EXOC4: variants seen among roughly 807,000 people sequenced by gnomAD.
The protein encoded by EXOC4 is SEC8-like 1.
In EXOC4, 71 loss-of-function variants were observed where a neutral mutation model predicts 107.2. The ratio of observed to expected loss-of-function variants is 0.66; its 90% CI spans 0.55 to 0.81. The LOEUF (loss-of-function observed/expected upper bound fraction) is 0.81. EXOC4 is among the 30% of genes least tolerant of loss of function. EXOC4 has a pLI of 0.00. For missense variants in EXOC4, 1,108 were observed against 1,189.6 expected (o/e 0.93, Z 1.01); for synonymous variants, 456 against 441.2 (o/e 1.03, Z -0.42).
chr7:134,073,230 A>AAAAAAAAAAAAAAAAAAAAC, the EXOC4 span, among the ~76,000 whole-genome samples: 3 of 18,412 alleles, frequency 1.6e-4, no homozygotes, highest in African/African-American at 8.1e-4. Context: ...AAAAAAAAAA[A>AAAAAAAAAAAAAAAAAAAAC]AACAACAAAG....
intron 9 of EXOC4, among the ~76,000 whole-genome samples, chr7:133,596,786 C>G (rs1046230332): frequency 2.6e-5 from 4 of 152,178 alleles, no homozygotes; most frequent in African/African-American, 9.7e-5. Flanking sequence ...TCAGAGCCAG[C>G]AAAGGCTCAT....
intron 7 of EXOC4, among the ~76,000 whole-genome samples, chr7:133,403,010 G>A (rs752451025): frequency 1.2e-4 from 18 of 149,724 alleles, no homozygotes; most frequent in Admixed American, 2.0e-4. Flanking sequence ...TCAGCCTCCC[G>A]AGTAGCTGGG....
chr7:133,620,049 G>A (rs756127125), intron 9 of EXOC4, among the ~76,000 whole-genome samples: 9 of 151,768 alleles, frequency 5.9e-5, no homozygotes, highest in Non-Finnish European at 8.8e-5. Flanking sequence ...TTGAGACAGA[G>A]TCTCCCTCTG....
chr7:133,624,057 T>G (rs938942916), intron 9 of EXOC4, among the ~76,000 whole-genome samples: 3 of 152,200 alleles, frequency 2.0e-5, no homozygotes, highest in Admixed American at 6.5e-5. Flanking sequence ...TGTATACTAT[T>G]TCATAATCCT....
chr7:133,462,863 C>T (rs1429313546), intron 7 of EXOC4, among the ~76,000 whole-genome samples: 2 of 151,988 alleles, frequency 1.3e-5, no homozygotes, highest in Admixed American at 1.3e-4. Flanking sequence ...ATAAAAAGAA[C>T]CAATAGGAAC....
intron 11 of EXOC4, among the ~76,000 whole-genome samples, chr7:133,827,740 A>C (rs1388565020): frequency 6.6e-6 from 1 of 152,230 alleles, no homozygotes; most frequent in Non-Finnish European, 1.5e-5. Context: ...CATCTACTAC[A>C]TCTGGGTTAC....
At chr7:133,419,720 G>T (rs1393824835) in intron 7 of EXOC4, among the ~76,000 whole-genome samples, 1 of 152,116 alleles carries the variant, frequency 6.6e-6, no homozygotes, top group Non-Finnish European at 1.5e-5. Context: ...TTTGAAGTGT[G>T]AATCCCAGAT....
At chr7:133,368,324 AC>A (rs1356178981) in intron 6 of EXOC4, among the ~76,000 whole-genome samples, 2 of 152,172 alleles carry the variant, frequency 1.3e-5, no homozygotes, top group African/African-American at 4.8e-5. Flanking sequence ...AAATCACCTA[AC>A]TTAATCAAAG....
intron 9 of EXOC4, among the ~76,000 whole-genome samples, chr7:133,595,799 G>A (rs573979142): frequency 2.0e-4 from 30 of 152,126 alleles, no homozygotes; most frequent in Non-Finnish European, 3.8e-4. Flanking sequence ...ACCTCGCACT[G>A]TCTTCTCACC....
intron 11 of EXOC4, among the ~76,000 whole-genome samples, chr7:133,877,529 G>A (rs1445654001): frequency 6.6e-6 from 1 of 152,126 alleles, no homozygotes; most frequent in Non-Finnish European, 1.5e-5. Context: ...CCGCTACTGA[G>A]ACAATATTGT....
intron 9 of EXOC4, among the ~76,000 whole-genome samples, chr7:133,592,474 ACT>A (rs1446225999): frequency 2.0e-5 from 3 of 152,086 alleles, no homozygotes; most frequent in African/African-American, 7.2e-5. Context: ...GACAAATTTC[ACT>A]CTGTTACCCA....
chr7:133,669,242 G>A (rs1446418451), intron 10 of EXOC4, among the ~76,000 whole-genome samples: 4 of 152,078 alleles, frequency 2.6e-5, no homozygotes, highest in Admixed American at 6.5e-5. Flanking sequence ...AGCCTTTACA[G>A]TGGTGAGAGG....
chr7:133,722,504 C>A (rs756609538), intron 10 of EXOC4, among the ~76,000 whole-genome samples: 22 of 152,122 alleles, frequency 1.4e-4, no homozygotes, highest in Non-Finnish European at 8.8e-5. Flanking sequence ...TTAAACCCTG[C>A]CTTTGGCAAT....
chr7:133,541,608 T>A (rs1354662600), intron 9 of EXOC4, among the ~76,000 whole-genome samples: 10 of 152,068 alleles, frequency 6.6e-5, no homozygotes, highest in Admixed American at 3.9e-4. Context: ...CAAATGATCC[T>A]CCCATCTCAG....
At chr7:133,977,741 TGTGTGTG>T (rs1563078293) in intron 14 of EXOC4, among the ~76,000 whole-genome samples, 223 of 150,222 alleles carry the variant, frequency 1.5e-3, no homozygotes, top group South Asian at 5.7e-3. Flanking sequence ...TGTTGTTTTG[TGTGTGTG>T]TGTGTGTGTG....
At chr7:133,898,098 G>A (rs7793582) in intron 12 of EXOC4, among the ~76,000 whole-genome samples, 93,304 of 150,388 alleles carry the variant, frequency 0.62, 31,356 homozygotes, top group African/African-American at 0.89. Context: ...CCATATAAGT[G>A]AAATCATGCA....
At chr7:133,592,609 T>C (rs1801576094) in intron 9 of EXOC4, among the ~76,000 whole-genome samples, 1 of 151,942 alleles carries the variant, frequency 6.6e-6, no homozygotes, top group African/African-American at 2.4e-5. Flanking sequence ...TACCCGGCTA[T>C]TTTTTTGTTT....
chr7:134,059,243 G>A (rs1361948335), intron 17 of EXOC4, among the ~76,000 whole-genome samples: 1 of 152,134 alleles, frequency 6.6e-6, no homozygotes, highest in Non-Finnish European at 1.5e-5. Context: ...TTGCAAAGAA[G>A]GGAACTGAAA....
At chr7:133,283,881 A>G (rs576278533) in intron 2 of EXOC4, among the ~76,000 whole-genome samples, 1 of 152,070 alleles carries the variant, frequency 6.6e-6, no homozygotes, top group South Asian at 2.1e-4. Flanking sequence ...TGCTTGCCAT[A>G]ATGTTTTTGA....
Sources: gnomAD v4.1 joint callset for allele counts (sites outside exome capture counted in the v4.1 genomes callset) on GRCh38, gnomAD v4.1.1 for gene constraint, MANE v1.5 for transcripts, NCBI Gene and HGNC (gene_info 2026-07-23, HGNC 2026-07-21) for gene names.